Variants in PKIB observed in about 807,000 individuals in gnomAD.
PKIB encodes the protein cAMP-dependent protein kinase inhibitor beta.
In PKIB, 2 loss-of-function variants were observed where a neutral mutation model predicts 4.5. That is an observed-to-expected ratio of 0.44 (90% confidence interval 0.18 to 1.39). The LOEUF (loss-of-function observed/expected upper bound fraction) is 1.39, where lower values mean the gene tolerates loss of function less well. Ranked by LOEUF, PKIB falls within the 40% of genes most tolerant of loss-of-function variation. The pLI, the probability that PKIB is intolerant of heterozygous loss-of-function variation, is 0.27. For synonymous variants in PKIB, 38 were observed against 36.0 expected (o/e 1.06, Z -0.20); for missense variants, 94 against 92.6 (o/e 1.02, Z -0.06).
chr6:122,587,952 A>G (rs544900792), intron 3 of PKIB, among the ~76,000 whole-genome samples: 12 of 151,918 alleles, frequency 7.9e-5, no homozygotes, highest in African/African-American at 2.7e-4. Context: ...GATTGCAAAA[A>G]TTTTCTCCCA....
chr6:122,569,481 A>C (rs1381378412), intron 2 of PKIB, among the ~76,000 whole-genome samples: 2 of 152,192 alleles, frequency 1.3e-5, no homozygotes, highest in Non-Finnish European at 2.9e-5. Flanking sequence ...AAAGGTTCTA[A>C]GTGGGTCCAC....
intron 2 of PKIB, among the ~76,000 whole-genome samples, chr6:122,548,409 C>T (rs781112786): frequency 6.6e-6 from 1 of 152,020 alleles, no homozygotes; most frequent in Non-Finnish European, 1.5e-5. Flanking sequence ...TAAATCTGAT[C>T]CTACTGTTTT....
At chr6:122,524,870 C>G (rs1316380890) in intron 2 of PKIB, among the ~76,000 whole-genome samples, 1 of 151,440 alleles carries the variant, frequency 6.6e-6, no homozygotes, top group African/African-American at 2.4e-5. Context: ...TTAACATAAT[C>G]TGCTTAAGAG....
In PKIB at chr6:122,620,574, A is replaced by T. The variant is rs577919687; in HGVS notation, c.-161+10039A>T. On this transcript the variant is annotated intron_variant, in intron 1 of 4. Transcript: ENST00000368452. ...TATTGTTGCATAAGCATCTGTGTAGAATCAAGAAGTTCCACACAAGGCATG... is the reference window on the plus strand; with the variant it reads ...TATTGTTGCATAAGCATCTGTGTAGTATCAAGAAGTTCCACACAAGGCATG... 5.2e-4 allele frequency among the ~76,000 whole-genome samples: 79 copies of T among 152,322 alleles called. No homozygotes were observed. In the South Asian group the frequency reaches 9.5e-3, roughly 18 times the overall value.
intron 2 of PKIB, among the ~76,000 whole-genome samples, chr6:122,531,746 C>T (rs907427295): frequency 1.3e-5 from 2 of 152,160 alleles, no homozygotes; most frequent in Non-Finnish European, 2.9e-5. Context: ...ACATTGTTCT[C>T]TAATTGTCTA....
chr6:122,558,158 A>G (rs1473673818), intron 2 of PKIB, among the ~76,000 whole-genome samples: 1 of 152,210 alleles, frequency 6.6e-6, no homozygotes, highest in African/African-American at 2.4e-5. Context: ...TGTAGGGTTT[A>G]GTCATGGCTG....
intron 2 of PKIB, among the ~76,000 whole-genome samples, chr6:122,579,767 A>T (rs2114707704): frequency 6.6e-6 from 1 of 152,252 alleles, no homozygotes; most frequent in Non-Finnish European, 1.5e-5. Flanking sequence ...TAAAGCAGCA[A>T]CCTCTTCAGG....
At chr6:122,618,621 A>G (rs990548759) in intron 1 of PKIB, among the ~76,000 whole-genome samples, 4 of 152,088 alleles carry the variant, frequency 2.6e-5, no homozygotes, top group African/African-American at 9.6e-5. Flanking sequence ...AAAAGACAAA[A>G]AATTATCATA....
At chr6:122,661,305 C>A (rs902518851) in intron 2 of PKIB, among the ~76,000 whole-genome samples, 3 of 152,152 alleles carry the variant, frequency 2.0e-5, no homozygotes, top group African/African-American at 7.2e-5. Context: ...AGGTCATTTT[C>A]ATCACCCCAG....
At chr6:122,525,031 T>C (rs1361449634) in intron 2 of PKIB, among the ~76,000 whole-genome samples, 1 of 151,592 alleles carries the variant, frequency 6.6e-6, no homozygotes, top group Non-Finnish European at 1.5e-5. Flanking sequence ...TTTCCCCTAG[T>C]TTCCTTAGGT....
intron 2 of PKIB, among the ~76,000 whole-genome samples, chr6:122,665,079 T>G (rs1052779921): frequency 3.3e-5 from 5 of 152,172 alleles, no homozygotes; most frequent in Non-Finnish European, 7.3e-5. Flanking sequence ...AGAAAGATCA[T>G]GAATTAGTAA....
At chr6:122,615,562 C>T (rs1774947147) in intron 1 of PKIB, among the ~76,000 whole-genome samples, 1 of 152,054 alleles carries the variant, frequency 6.6e-6, no homozygotes. Flanking sequence ...ATAATGTCTC[C>T]CCAAAATTCA....
At chr6:122,583,411 T>C (rs1420300353) in intron 2 of PKIB, among the ~76,000 whole-genome samples, 1 of 152,096 alleles carries the variant, frequency 6.6e-6, no homozygotes, top group Non-Finnish European at 1.5e-5. Flanking sequence ...ATGGGTAATA[T>C]GCCAATAAGA....
chr6:122,692,000 G>T (rs1362843336), intron 3 of PKIB, among the ~76,000 whole-genome samples: 1 of 152,180 alleles, frequency 6.6e-6, no homozygotes, highest in Admixed American at 6.5e-5. Context: ...TGTATTACCA[G>T]GCAGAGACTC....
chr6:122,528,567 G>A (rs1777163088), intron 2 of PKIB, among the ~76,000 whole-genome samples: 2 of 152,116 alleles, frequency 1.3e-5, no homozygotes, highest in South Asian at 4.1e-4. Context: ...GAGAAAGAAG[G>A]AGCTCTAATA....
At chr6:122,665,675 G>T (rs1321384767) in intron 2 of PKIB, among the ~76,000 whole-genome samples, 5 of 151,968 alleles carry the variant, frequency 3.3e-5, no homozygotes, top group Non-Finnish European at 7.4e-5. Flanking sequence ...AAAAAAGAAA[G>T]TTGGTTGTAA....
intron 2 of PKIB, among the ~76,000 whole-genome samples, chr6:122,516,784 A>C (rs1280542338): frequency 1.3e-5 from 2 of 152,242 alleles, no homozygotes; most frequent in East Asian, 3.8e-4. Flanking sequence ...GATTGGGAGC[A>C]TTCAAGGAAT....
chr6:122,628,183 A>G (rs1775541984), intron 1 of PKIB, among the ~76,000 whole-genome samples: 1 of 152,010 alleles, frequency 6.6e-6, no homozygotes, highest in African/African-American at 2.4e-5. Flanking sequence ...GATTACAGGC[A>G]TGCGCCACCA....
intron 2 of PKIB, among the ~76,000 whole-genome samples, chr6:122,651,415 G>T (rs1314317838): frequency 6.6e-6 from 1 of 152,162 alleles, no homozygotes; most frequent in Non-Finnish European, 1.5e-5. Flanking sequence ...TCAGGGATAA[G>T]TTCTGAGGAG....
Sources: allele counts gnomAD v4.1 joint callset (sites outside exome capture counted in the v4.1 genomes callset), GRCh38; gene constraint gnomAD v4.1.1; transcripts MANE v1.5; gene names NCBI Gene and HGNC (gene_info 2026-07-23, HGNC 2026-07-21).